Variants in CFDP1 observed in about 807,000 individuals in gnomAD.
CFDP1 encodes chromatin remodeling protein CFDP1, also known as heterochromatin-stabilizing protein CFDP1.
In CFDP1, 31 loss-of-function variants were observed where a neutral mutation model predicts 40.1. That is an observed-to-expected ratio of 0.77 (90% CI 0.58 to 1.04). The LOEUF (loss-of-function observed/expected upper bound fraction) is 1.04. Ranked by LOEUF, CFDP1 falls within the 50% of genes least tolerant of loss-of-function variation. The pLI is 0.00. For missense variants in CFDP1, 423 were observed against 343.4 expected (o/e 1.23, Z -1.83); for synonymous variants, 167 against 120.0 (o/e 1.39, Z -2.56).
At chr16:75,423,537 C>T (rs1372609841) in intron 1 of CFDP1, among the ~76,000 whole-genome samples, 1 of 151,638 alleles carries the variant, frequency 6.6e-6, no homozygotes, top group Non-Finnish European at 1.5e-5. Context: ...TTTTTTGAGA[C>T]GGAGTCTCAC....
intron 5 of CFDP1, among the ~76,000 whole-genome samples, chr16:75,376,804 T>C (rs552671021): frequency 3.9e-5 from 6 of 152,292 alleles, no homozygotes; most frequent in Non-Finnish European, 7.4e-5. Flanking sequence ...CAGTTTACCA[T>C]TGGTATGACA....
At chr16:75,404,256 G>A (rs1361497695) in intron 4 of CFDP1, among the ~76,000 whole-genome samples, 1 of 145,186 alleles carries the variant, frequency 6.9e-6, no homozygotes, top group Admixed American at 6.9e-5. Flanking sequence ...TTTTTTTTGA[G>A]ACGGAGTCTT....
intron 4 of CFDP1, among the ~76,000 whole-genome samples, chr16:75,411,216 T>TA (rs938545648): frequency 5.4e-5 from 8 of 149,282 alleles, no homozygotes; most frequent in Admixed American, 2.7e-4. Flanking sequence ...AGACTCCATC[T>TA]AAAAAAAAAC....
chr16:75,311,570 G>A (rs1341369345), intron 5 of CFDP1, among the ~76,000 whole-genome samples: 1 of 152,196 alleles, frequency 6.6e-6, no homozygotes, highest in African/African-American at 2.4e-5. Context: ...AGCAAGGATA[G>A]GGTTAACATG....
rs753116624 is a variant in CFDP1, at chr16:75,411,925, A to G, written c.430T>C (p.Ser144Pro). 1 of 1,610,638 alleles carries G rather than the reference A, an allele frequency of 6.2e-7. No individual in the cohort carries two copies. Among genetic ancestry groups the G allele is most frequent in the Non-Finnish European group, 8.5e-7 (1 of 1,179,316 alleles). ...KKGEETEETS[S>P]SKLLVKAEEL... is the part of the protein sequence containing the mutation. ...TCTGCTTTTACCAACAATTTACTTG[A>G]ACTTGTCTCTTCAGTCTCCTCTCCT... Residue 144 changes from serine (S) to proline (P), a missense_variant, in exon 4 of 7, where the codon TCA (serine) becomes CCA (proline). By Grantham distance (74) the Ser-to-Pro change is moderately conservative. Transcript: ENST00000283882.
intron 5 of CFDP1, among the ~76,000 whole-genome samples, chr16:75,348,772 C>T (rs767695821): frequency 6.6e-6 from 1 of 152,098 alleles, no homozygotes; most frequent in African/African-American, 2.4e-5. Flanking sequence ...TTTCTTTGAA[C>T]AGTATTTTGT....
At chr16:75,333,497 G>C (rs1321393635) in intron 5 of CFDP1, among the ~76,000 whole-genome samples, 1 of 152,114 alleles carries the variant, frequency 6.6e-6, no homozygotes, top group African/African-American at 2.4e-5. Context: ...CAACAAAAAA[G>C]GAAAAAAGTA....
At chr16:75,357,788 C>A (rs1842512893) in intron 5 of CFDP1, among the ~76,000 whole-genome samples, 1 of 152,244 alleles carries the variant, frequency 6.6e-6, no homozygotes, top group African/African-American at 2.4e-5. Flanking sequence ...TGTGCGTTCA[C>A]TGGAGTAGCA....
At chr16:75,335,830 A>G (rs1168220071) in intron 5 of CFDP1, among the ~76,000 whole-genome samples, 2 of 152,158 alleles carry the variant, frequency 1.3e-5, no homozygotes, top group Admixed American at 1.3e-4. Flanking sequence ...TGCTGGGATT[A>G]CAGGTGTGAG....
chr16:75,405,234 T>C (rs247427), intron 4 of CFDP1, among the ~76,000 whole-genome samples: 23,770 of 152,210 alleles, frequency 0.16, 1,996 homozygotes, highest in East Asian at 0.39. Flanking sequence ...TTCAGAATTA[T>C]CTTGTCAACT....
intron 5 of CFDP1, among the ~76,000 whole-genome samples, chr16:75,324,075 T>C (rs950474958): frequency 2.0e-5 from 3 of 152,232 alleles, no homozygotes; most frequent in South Asian, 2.1e-4. Flanking sequence ...AGACTCTTTT[T>C]TGGCCACTGG....
At chr16:75,400,405 A>G (rs1372779789) in intron 4 of CFDP1, among the ~76,000 whole-genome samples, 1 of 152,212 alleles carries the variant, frequency 6.6e-6, no homozygotes, top group Non-Finnish European at 1.5e-5. Context: ...AAAACAGGCA[A>G]GCCAATGTGT....
intron 1 of CFDP1, among the ~76,000 whole-genome samples, chr16:75,426,569 C>G (rs1050599236): frequency 2.6e-5 from 4 of 151,024 alleles, no homozygotes; most frequent in African/African-American, 9.7e-5. Flanking sequence ...CCAGTTACTA[C>G]AGAGGCTGAG....
At chr16:75,344,546 A>G (rs1197308218) in intron 5 of CFDP1, among the ~76,000 whole-genome samples, 1 of 152,204 alleles carries the variant, frequency 6.6e-6, no homozygotes, top group African/African-American at 2.4e-5. Context: ...AAAAACCAAA[A>G]CAAGAAGAAA....
chr16:75,300,759 G>A (rs1397267938), intron 6 of CFDP1, among the ~76,000 whole-genome samples: 2 of 152,120 alleles, frequency 1.3e-5, no homozygotes, highest in Non-Finnish European at 2.9e-5. Context: ...ATGTAAGCCT[G>A]GAGCTCAGTG....
chr16:75,334,215 CT>C (rs1375736737), intron 5 of CFDP1, among the ~76,000 whole-genome samples: 1 of 151,914 alleles, frequency 6.6e-6, no homozygotes, highest in Non-Finnish European at 1.5e-5. Context: ...AACCCTAACC[CT>C]AACCCTAACC....
At chr16:75,373,250 C>T (rs780140749) in intron 5 of CFDP1, among the ~76,000 whole-genome samples, 3 of 152,236 alleles carry the variant, frequency 2.0e-5, no homozygotes, top group Admixed American at 1.3e-4. Flanking sequence ...AACACTTACA[C>T]ACACAGATGT....
intron 5 of CFDP1, among the ~76,000 whole-genome samples, chr16:75,374,382 C>T (rs1332890215): frequency 6.6e-6 from 1 of 151,930 alleles, no homozygotes; most frequent in South Asian, 2.1e-4. Context: ...ATACAAACTT[C>T]AGGAAAATAG....
At chr16:75,422,242 G>A (rs1597403954) in intron 1 of CFDP1, among the ~76,000 whole-genome samples, 1 of 151,542 alleles carries the variant, frequency 6.6e-6, no homozygotes, top group Non-Finnish European at 1.5e-5. Flanking sequence ...GATTACAGGC[G>A]CTTGCCACCA....
Sources: allele counts gnomAD v4.1 joint callset (sites outside exome capture counted in the v4.1 genomes callset), GRCh38; gene constraint gnomAD v4.1.1; transcripts MANE v1.5; gene names NCBI Gene and HGNC (gene_info 2026-07-23, HGNC 2026-07-21).